CTSB: variants seen among roughly 807,000 people sequenced by gnomAD.
The protein encoded by CTSB is cathepsin B.
CTSB carries 57 observed loss-of-function variants against 44.3 expected under a neutral mutation model. The observed-to-expected ratio is 1.29, with a 90% confidence interval of 1.04 to 1.60. The LOEUF is 1.60. Ranked by LOEUF, CTSB falls within the 40% of genes most tolerant of loss-of-function variation. The pLI, the probability that CTSB is intolerant of heterozygous loss-of-function variation, is 0.00. For missense variants in CTSB, 768 were observed against 443.0 expected, an observed-to-expected ratio of 1.73 and a Z score of -6.59; for synonymous variants, 320 against 168.0, an observed-to-expected ratio of 1.91 and a Z score of -7.00.
intron 4 of CTSB, among the ~76,000 whole-genome samples, chr8:11,850,247 C>T (rs533945527): frequency 6.6e-6 from 1 of 151,846 alleles, no homozygotes; most frequent in East Asian, 1.9e-4. Context: ...GGCAAAACCC[C>T]ATCTCTACTA....
chr8:11,864,306 G>A (rs1462191558), intron 1 of CTSB: 2 of 105,848 alleles, frequency 1.9e-5, no homozygotes, highest in African/African-American at 7.4e-5. Context: ...GTGAGACCCT[G>A]TCTCTACCAA....
intron 1 of CTSB, among the ~76,000 whole-genome samples, chr8:11,861,641 A>G (rs1391350490): frequency 1.3e-5 from 2 of 152,208 alleles, no homozygotes; most frequent in South Asian, 2.1e-4. Flanking sequence ...AATATTCTGG[A>G]AAGTTCTGAA....
intron 3 of CTSB, among the ~76,000 whole-genome samples, chr8:11,852,274 G>A (rs1814730075): frequency 6.6e-6 from 1 of 152,126 alleles, no homozygotes; most frequent in Admixed American, 6.5e-5. Context: ...AGGAGGCTGT[G>A]GCATGAGAAT....
Position 11,866,804 on chromosome 8 carries a change from G to C in CTSB, c.-26+1197C>G, listed in dbSNP as rs763398232. On this transcript the variant is annotated intron_variant, in intron 1 of 9. Coordinates refer to ENST00000353047, the MANE Select transcript of CTSB (RefSeq NM_001908.5). Reference sequence around the variant, plus strand: ...GAATTTGGGAGGCGGAAGTTGTAGTGAGCCGAGATCGCGCCACTGTGCTCC... The same window carrying C: ...GAATTTGGGAGGCGGAAGTTGTAGTCAGCCGAGATCGCGCCACTGTGCTCC... Among the ~76,000 whole-genome samples the C allele has an allele frequency of 5.9e-5, 9 of 152,348 alleles. No individual in the cohort carries two copies. In the South Asian group the frequency reaches 1.0e-3, roughly 18 times the overall value.
At chr8:11,847,320 C>T (rs945790621) in intron 7 of CTSB, 152 bp from the exon 8 acceptor site, 23 of 652,900 alleles carry the variant, frequency 3.5e-5, no homozygotes, top group African/African-American at 2.2e-4. Context: ...GAAGGCTCCC[C>T]TGAAGAACTA....
chr8:11,843,114 A>G lies in CTSB; in HGVS notation c.*2011T>C, dbSNP rs888675791. On this transcript the variant is annotated 3_prime_UTR_variant, in exon 10 of 10. Coordinates refer to ENST00000353047, the MANE Select transcript of CTSB (RefSeq NM_001908.5). ...CAGGCATGTGCCACCATGCCCAGCT[A>G]ATTTTTGTATTTTTAGTAGAGGTGA... 6.6e-6 allele frequency: 1 copy of G among 151,588 alleles called. No individual in the cohort carries two copies. Among genetic ancestry groups the G allele is most frequent in the African/African-American group, 2.4e-5 (1 of 41,110 alleles). The allele number at this position is 151,588 out of a possible 1,614,324, so 9.4% of individuals were successfully genotyped here. A position where few individuals can be genotyped will look rare whatever the true frequency, so the allele number is the denominator to read the frequency against.
Position 11,849,158 on chromosome 8 carries a change from CG to C in CTSB, c.333del (p.Phe111LeufsTer67). 2 of 1,611,860 alleles carry C rather than the reference CG, an allele frequency of 1.2e-6. No homozygotes were observed. The highest frequency in any genetic ancestry group is 1.7e-6 in the Non-Finnish European group (2 of 1,179,510). ...CGGTCAGAGATGGCTTCCACAGCCCCGAAGGCCTGCAGGAACGAGCCCCACC... is the reference window on the plus strand; with the variant it reads ...CGGTCAGAGATGGCTTCCACAGCCCCAAGGCCTGCAGGAACGAGCCCCACC... Reference protein sequence around the residue: ...DQGSCGSCWAFGAVEAISDRI... With the variant: ...DQGSCGSCWAXGAVEAISDRI... On this transcript the variant is annotated frameshift_variant, in exon 5 of 10. Transcript: ENST00000353047. LOFTEE classifies it high-confidence loss of function.
At chr8:11,853,564 G>A in intron 1 of CTSB, 85 bp from the exon 2 acceptor site, 1 of 1,376,668 alleles carries the variant, frequency 7.3e-7, no homozygotes, top group Non-Finnish European at 9.8e-7. Flanking sequence ...TCGGGCATCA[G>A]TGGGGACCCC....
chr8:11,845,876 G>T, intron 8 of CTSB, 87 bp from the exon 9 acceptor site: 3 of 1,445,230 alleles, frequency 2.1e-6, no homozygotes, highest in Non-Finnish European at 2.7e-6. Flanking sequence ...GTCATGCTCC[G>T]GGAAGGAGAA....
In CTSB at chr8:11,847,181, C is replaced by G; in HGVS notation, c.677-13G>C. ...TAGGAATTGTATCCTGGAAAATGAACCGAGCTCGGGGTTGGGGAGGGCAGT... is the reference window on the plus strand; with the variant it reads ...TAGGAATTGTATCCTGGAAAATGAAGCGAGCTCGGGGTTGGGGAGGGCAGT... On this transcript the variant is annotated splice_polypyrimidine_tract_variant and intron_variant, in intron 7 of 9. Transcript: ENST00000353047. 1 of 1,571,404 alleles carries G rather than the reference C, an allele frequency of 6.4e-7. No individual in the cohort carries two copies. Among genetic ancestry groups the G allele is most frequent in the Non-Finnish European group, 8.8e-7 (1 of 1,141,902 alleles).
rs1347103880 is a variant in CTSB, at chr8:11,844,702, C to G, written c.*423G>C. Reference sequence around the variant, plus strand: ...CAAAGGGCTCCCAACACCGTCTCTCCTCTGATTTCTGTGACAAATGTGGAA... The same window carrying G: ...CAAAGGGCTCCCAACACCGTCTCTCGTCTGATTTCTGTGACAAATGTGGAA... On this transcript the variant is annotated 3_prime_UTR_variant, in exon 10 of 10. Transcript: ENST00000353047. 1 of 167,586 alleles carries G rather than the reference C, an allele frequency of 6.0e-6. No homozygotes were observed. Among genetic ancestry groups the G allele is most frequent in the Non-Finnish European group, 1.3e-5 (1 of 77,234 alleles). 10.4% of individuals were successfully genotyped at this position (167,586 alleles called of 1,614,324 possible).
chr8:11,845,100 A>C lies in CTSB; in HGVS notation c.*25T>G. ...TTTCTACCCCGATCTCGCCCCCAGG[A>C]CTGGCACGACAGGCCCACGGCAGAT... On this transcript the variant is annotated 3_prime_UTR_variant, in exon 10 of 10. Transcript: ENST00000353047. 6.6e-7 allele frequency: 1 copy of C among 1,504,548 alleles called. No homozygotes were observed. The highest frequency in any genetic ancestry group is 9.3e-7 in the Non-Finnish European group (1 of 1,080,508). The allele number at this position is 1,504,548 out of a possible 1,614,324, so 93.2% of individuals were successfully genotyped here.
intron 5 of CTSB, 103 bp downstream of exon 5, chr8:11,848,943 A>G (rs1469431839): frequency 1.5e-5 from 12 of 785,330 alleles, no homozygotes; most frequent in East Asian, 2.7e-5. Context: ...AACACTTCTG[A>G]CTCGCAGCAG....
At chr8:11,854,662 G>C (rs904733375) in intron 1 of CTSB, 2 of 152,146 alleles carry the variant, frequency 1.3e-5, no homozygotes, top group Non-Finnish European at 2.9e-5. Context: ...TGTATTTTTA[G>C]TAGAGATGGG....
At chr8:11,845,541 C>G (rs1252052719) in intron 9 of CTSB, 120 bp downstream of exon 9, 3 of 1,262,918 alleles carry the variant, frequency 2.4e-6, no homozygotes, top group South Asian at 3.0e-5. Flanking sequence ...GAGGAGCTCA[C>G]AGCCTGGCCG....
rs1586140844 is a variant in CTSB at position 11,852,709 on chromosome 8, A to G, written c.127-14T>C. 1.2e-6 allele frequency: 2 copies of G among 1,612,564 alleles called. No homozygotes were observed. Among genetic ancestry groups the G allele is most frequent in the African/African-American group, 1.3e-5 (1 of 75,006 alleles). ...GTTGTGCCCGGCCTGGAAGAGAGTC[A>G]CCCACTGACTGAAGGGTCTCCCGGG... is the stretch of plus-strand genomic sequence containing the variant. On this transcript the variant is annotated splice_polypyrimidine_tract_variant and intron_variant, in intron 2 of 9. Transcript: ENST00000353047.
At chr8:11,846,767 A>C (rs1433673004) in intron 8 of CTSB, among the ~76,000 whole-genome samples, 1 of 152,224 alleles carries the variant, frequency 6.6e-6, no homozygotes, top group Admixed American at 6.5e-5. Context: ...GTTCCCACAG[A>C]GAACATGTAT....
intron 5 of CTSB, 64 bp from the exon 6 acceptor site, chr8:11,848,216 G>A (rs1813816961): frequency 1.4e-6 from 2 of 1,474,418 alleles, no homozygotes; most frequent in Non-Finnish European, 1.9e-6. Flanking sequence ...AGACCACTGT[G>A]TGCTACCCAA....
At chr8:11,850,844 C>T (rs556044594) in intron 4 of CTSB, 22 bp downstream of exon 4, 14 of 1,577,924 alleles carry the variant, frequency 8.9e-6, no homozygotes, top group Non-Finnish European at 1.2e-5. Context: ...CAGCGCTTCC[C>T]CGCCAGCCAG....
Sources: gnomAD v4.1 joint callset for allele counts (sites outside exome capture counted in the v4.1 genomes callset) on GRCh38, gnomAD v4.1.1 for gene constraint, MANE v1.5 for transcripts, NCBI Gene and HGNC (gene_info 2026-07-23, HGNC 2026-07-21) for gene names.